The following CXCL12 variants were observed in gnomAD, a reference collection of about 807,000 sequenced individuals.
CXCL12 encodes the protein C-X-C motif chemokine ligand 12, also known as stromal cell-derived factor 1.
In CXCL12, 4 loss-of-function variants were observed where a neutral mutation model predicts 10.7. That is an observed-to-expected ratio of 0.37 (90% CI 0.18 to 0.86). CXCL12 has a LOEUF of 0.86. Ranked by LOEUF, CXCL12 falls within the 40% of genes least tolerant of loss-of-function variation. The pLI is 0.43. For missense variants in CXCL12, 122 were observed against 110.4 expected, an observed-to-expected ratio of 1.10 and a Z score of -0.47; for synonymous variants, 54 against 45.4, an observed-to-expected ratio of 1.19 and a Z score of -0.77.
At chr10:44,381,274 C>T (rs1485264558) in intron 1 of CXCL12, among the ~76,000 whole-genome samples, 1 of 152,044 alleles carries the variant, frequency 6.6e-6, no homozygotes, top group African/African-American at 2.4e-5. Flanking sequence ...TGAGAAAGAT[C>T]TCCCTACTCA....
downstream of CXCL12, among the ~76,000 whole-genome samples, chr10:44,376,571 G>C (rs563535004): frequency 2.2e-4 from 33 of 152,348 alleles, no homozygotes; most frequent in Admixed American, 8.5e-4. Flanking sequence ...GAACACTCCT[G>C]GGAATGAATG....
downstream of CXCL12, chr10:44,372,644 G>A: frequency 7.3e-7 from 1 of 1,364,614 alleles, no homozygotes; most frequent in African/African-American, 1.5e-5. Flanking sequence ...CAGGGCCATG[G>A]AGACAGTCGT....
intron 1 of CXCL12, among the ~76,000 whole-genome samples, chr10:44,383,126 A>G (rs544280069): frequency 2.8e-4 from 43 of 152,320 alleles, no homozygotes; most frequent in African/African-American, 9.6e-4. Context: ...AAGTCAGCCA[A>G]TGGGGGAGGG....
downstream of CXCL12, chr10:44,373,328 T>C (rs538581555): frequency 1.2e-5 from 19 of 1,608,134 alleles, no homozygotes; most frequent in Admixed American, 2.2e-4. Flanking sequence ...TCTGACCCTC[T>C]CACATCTTGA....
At position 44,377,966 on chromosome 10, in the gene CXCL12, G is replaced by C; in HGVS notation, c.*667C>G. ...GCTCTCGGAGTCGGGGAGAGAGTAG[G>C]AATAGCTGGGAGAGGGGTCTCTGAG... On this transcript the variant is annotated 3_prime_UTR_variant, in exon 3 of 3. Coordinates refer to ENST00000343575, the MANE Select transcript of CXCL12 (RefSeq NM_199168.4). 7 of 1,521,218 alleles carry C rather than the reference G, an allele frequency of 4.6e-6. No individual in the cohort carries two copies. In the South Asian group the frequency reaches 7.4e-5, roughly 16 times the overall value. The allele number at this position is 1,521,218 out of a possible 1,614,324, so 94.2% of individuals were successfully genotyped here. A position where few individuals can be genotyped will look rare whatever the true frequency, so the allele number is the denominator to read the frequency against.
At chr10:44,371,055 G>T, downstream of CXCL12, 1 of 207,140 alleles carries the variant, frequency 4.8e-6, no homozygotes, top group Non-Finnish European at 9.8e-6. Context: ...GCTCGTGGAC[G>T]CACTTGACTA....
At chr10:44,383,510 G>T (rs59675227) in intron 1 of CXCL12, among the ~76,000 whole-genome samples, 5,526 of 146,310 alleles carry the variant, frequency 0.038, 113 homozygotes, top group East Asian at 0.06. Context: ...ACACCTCCGC[G>T]CTCATCCCAC....
chr10:44,372,928 C>T (rs538248533), downstream of CXCL12: 28 of 1,535,878 alleles, frequency 1.8e-5, no homozygotes, highest in African/African-American at 2.7e-5. Flanking sequence ...CACCCCCAGG[C>T]GTCCCTCTTG....
At chr10:44,371,448 G>C (rs1204593758), downstream of CXCL12, 1 of 364,044 alleles carries the variant, frequency 2.7e-6, no homozygotes, top group Non-Finnish European at 5.4e-6. Context: ...GGTATAGTGA[G>C]AGGTTAATTT....
At chr10:44,379,705 G>A (rs1324538928) in intron 2 of CXCL12, among the ~76,000 whole-genome samples, 2 of 152,290 alleles carry the variant, frequency 1.3e-5, no homozygotes, top group African/African-American at 2.4e-5. Context: ...ACTTCAAGGT[G>A]CATTTCCAGG....
chr10:44,382,646 T>A (rs922084915), intron 1 of CXCL12, among the ~76,000 whole-genome samples: 1 of 151,924 alleles, frequency 6.6e-6, no homozygotes, highest in Non-Finnish European at 1.5e-5. Flanking sequence ...AGGCCAGAAA[T>A]CAGAGCCTAT....
intron 1 of CXCL12, among the ~76,000 whole-genome samples, chr10:44,382,527 A>T (rs1839663950): frequency 6.6e-6 from 1 of 152,134 alleles, no homozygotes; most frequent in Non-Finnish European, 1.5e-5. Context: ...GAAGATATGC[A>T]GCCAAGGGCA....
chr10:44,372,955 G>A (rs1389534414), downstream of CXCL12: 3 of 1,535,944 alleles, frequency 2.0e-6, no homozygotes, highest in Admixed American at 5.9e-5. Flanking sequence ...CTCCACCCTA[G>A]GGCTGACCAT....
rs1422725610 is a variant in CXCL12, at chr10:44,378,482, G to T, written c.*151C>A. 1.3e-6 allele frequency: 2 copies of T among 1,536,916 alleles called. No homozygotes were observed. Among genetic ancestry groups the T allele is most frequent in the Non-Finnish European group, 1.8e-6 (2 of 1,141,906 alleles). On this transcript the variant is annotated 3_prime_UTR_variant, in exon 3 of 3. Coordinates refer to ENST00000343575, the MANE Select transcript of CXCL12 (RefSeq NM_199168.4). ...AGGGTCTAAATGCTGGCAAACCTCA[G>T]GCCCGATCCCAGATCAATGTGCCCA... is the stretch of plus-strand genomic sequence containing the variant.
chr10:44,370,198 A>G (rs1200758067), exon 4 of CXCL12: 1 of 152,268 alleles, frequency 6.6e-6, no homozygotes, highest in Non-Finnish European at 1.5e-5. Context: ...TAGGAAAATT[A>G]TAAGTGCATA....
downstream of CXCL12, chr10:44,375,724 A>T (rs1457567789): frequency 9.9e-6 from 9 of 908,484 alleles, no homozygotes; most frequent in Non-Finnish European, 1.4e-5. Flanking sequence ...TCTCTGCACA[A>T]CTACTTTCTT....
At chr10:44,376,099 A>G, downstream of CXCL12, 1 of 1,569,654 alleles carries the variant, frequency 6.4e-7, no homozygotes, top group African/African-American at 1.4e-5. Context: ...AGTCTGCATA[A>G]GATTTAACAC....
downstream of CXCL12, among the ~76,000 whole-genome samples, chr10:44,373,723 G>A (rs1006549035): frequency 6.6e-6 from 1 of 152,186 alleles, no homozygotes; most frequent in Admixed American, 6.5e-5. Context: ...CCTGGCCTCG[G>A]CTGTCCCAAG....
At chr10:44,373,539 C>A (rs1320634751), downstream of CXCL12, among the ~76,000 whole-genome samples, 1 of 152,202 alleles carries the variant, frequency 6.6e-6, no homozygotes, top group Non-Finnish European at 1.5e-5. Flanking sequence ...CAGGCTGAAG[C>A]GGAGGGACCC....
Sources: gnomAD v4.1 joint callset for allele counts (sites outside exome capture counted in the v4.1 genomes callset) on GRCh38, gnomAD v4.1.1 for gene constraint, MANE v1.5 for transcripts, NCBI Gene and HGNC (gene_info 2026-07-23, HGNC 2026-07-21) for gene names.